Variants in PLXNA4 observed in about 807,000 individuals in gnomAD.
The protein encoded by PLXNA4 is plexin A4, also known as plexin-A4.
Under a neutral mutation model 191.8 loss-of-function variants are expected in PLXNA4, and 44 were observed. The ratio of observed to expected loss-of-function variants is 0.23; its 90% CI spans 0.18 to 0.29. The LOEUF (loss-of-function observed/expected upper bound fraction) is 0.29, where lower values mean the gene tolerates loss of function less well. Ranked by LOEUF, PLXNA4 falls within the 10% of genes least tolerant of loss-of-function variation. PLXNA4 has a pLI of 1.00. For synonymous variants in PLXNA4, 1,082 were observed against 1,009.5 expected (o/e 1.07, Z -1.36); for missense variants, 1,800 against 2,488.8 (o/e 0.72, Z 5.89).
chr7:132,179,717 C>G lies in PLXNA4; in HGVS notation c.3844G>C (p.Glu1282Gln), dbSNP rs987850603. The G allele has an allele frequency of 1.9e-6, 3 of 1,613,968 alleles. No homozygotes were observed. In the African/African-American group the frequency reaches 4.0e-5, roughly 22 times the overall value. Residue 1282 changes from glutamate to glutamine, a missense_variant, in exon 20 of 32, where the codon GAG becomes CAG. Physicochemically the swap from Glu to Gln is conservative, Grantham distance 29 (BLOSUM62 2). Around this residue, in one of 6 missense-constraint regions of PLXNA4, gnomAD observed 1,397 missense variants for 1,880.4 expected, o/e 0.74. Coordinates refer to ENST00000321063, the MANE Select transcript of PLXNA4 (RefSeq NM_020911.2). ...KRLQMQMDNLESRVALECKEA... is the reference protein window; with the variant it reads ...KRLQMQMDNLQSRVALECKEA... ...TTGCACTCCAGGGCCACACGGGACTCCAGGTTGTCCATCTGCATCTGCAGC... is the reference window on the plus strand; with the variant it reads ...TTGCACTCCAGGGCCACACGGGACTGCAGGTTGTCCATCTGCATCTGCAGC...
chr7:132,331,272 C>T (rs776858699), intron 3 of PLXNA4, among the ~76,000 whole-genome samples: 4 of 152,242 alleles, frequency 2.6e-5, no homozygotes, highest in Non-Finnish European at 5.9e-5. Flanking sequence ...CTGCCTTGGC[C>T]CCTGAACCTT....
intron 1 of PLXNA4, among the ~76,000 whole-genome samples, chr7:132,566,360 A>G (rs1801724203): frequency 6.6e-6 from 1 of 152,120 alleles, no homozygotes; most frequent in Admixed American, 6.5e-5. Flanking sequence ...GGCAGTGAAA[A>G]CGCTTTCCAT....
At chr7:132,222,086 C>T (rs1397863030) in intron 9 of PLXNA4, among the ~76,000 whole-genome samples, 1 of 152,196 alleles carries the variant, frequency 6.6e-6, no homozygotes, top group Non-Finnish European at 1.5e-5. Flanking sequence ...TTCTTGTTTG[C>T]TCCCCTTGTC....
intron 4 of PLXNA4, among the ~76,000 whole-genome samples, chr7:132,282,820 G>T (rs1800535759): frequency 6.6e-6 from 1 of 151,964 alleles, no homozygotes. Context: ...TAAATAAGTA[G>T]CCTCCCCTAG....
chr7:132,419,054 AG>A (rs1794758913), intron 3 of PLXNA4, among the ~76,000 whole-genome samples: 1 of 152,200 alleles, frequency 6.6e-6, no homozygotes, highest in African/African-American at 2.4e-5. Flanking sequence ...TGTCAATCAA[AG>A]GGTTGGGAAG....
At chr7:132,537,798 A>G (rs1799911483) in intron 1 of PLXNA4, among the ~76,000 whole-genome samples, 1 of 152,222 alleles carries the variant, frequency 6.6e-6, no homozygotes, top group South Asian at 2.1e-4. Context: ...TCTTAAAAAA[A>G]GAAAGTCTTT....
At chr7:132,582,525 G>C (rs1802421923) in intron 2 of PLXNA4, among the ~76,000 whole-genome samples, 1 of 152,170 alleles carries the variant, frequency 6.6e-6, no homozygotes, top group Admixed American at 6.5e-5. Context: ...AGACATTTTA[G>C]CTCCCAGCTT....
At chr7:132,461,711 C>T (rs893478713) in intron 3 of PLXNA4, among the ~76,000 whole-genome samples, 3 of 152,210 alleles carry the variant, frequency 2.0e-5, no homozygotes, top group Non-Finnish European at 1.5e-5. Context: ...CAAAATCCAA[C>T]GGGCCTCAGG....
chr7:132,272,413 A>G (rs1469175089), intron 4 of PLXNA4, among the ~76,000 whole-genome samples: 1 of 152,234 alleles, frequency 6.6e-6, no homozygotes, highest in Admixed American at 6.5e-5. Context: ...AAATTAAATA[A>G]GCCCCTGGCA....
intron 4 of PLXNA4, among the ~76,000 whole-genome samples, chr7:132,279,597 T>A (rs1404446565): frequency 1.3e-5 from 2 of 152,002 alleles, no homozygotes; most frequent in Non-Finnish European, 2.9e-5. Context: ...GATCATACCA[T>A]CGCACTCAGT....
intron 4 of PLXNA4, among the ~76,000 whole-genome samples, chr7:132,261,892 A>C (rs1414410441): frequency 6.6e-6 from 1 of 152,184 alleles, no homozygotes; most frequent in African/African-American, 2.4e-5. Context: ...ACCTACACAC[A>C]CAGTCCCAGG....
At position 132,181,752 on chromosome 7, in the gene PLXNA4, G is replaced by A. The variant is rs1459155807; in HGVS notation, c.3253-132C>T. The A allele has an allele frequency of 4.1e-6, 6 of 1,449,866 alleles. No homozygotes were observed. The African/African-American group carries it at 7.1e-5, about 17-fold the overall frequency. The allele number at this position is 1,449,866 out of a possible 1,614,324, so 89.8% of individuals were successfully genotyped here. A position where few individuals can be genotyped will look rare whatever the true frequency, so the allele number is the denominator to read the frequency against. On this transcript the variant is annotated intron_variant, in intron 17 of 31. Coordinates refer to ENST00000321063, the MANE Select transcript of PLXNA4 (RefSeq NM_020911.2). ...ACAAGAGGATTAGAGATGAGTCAGGGCCACACAATTGGGCACTCAAGGAAT... is the reference window on the plus strand; with the variant it reads ...ACAAGAGGATTAGAGATGAGTCAGGACCACACAATTGGGCACTCAAGGAAT...
intron 1 of PLXNA4, among the ~76,000 whole-genome samples, chr7:132,511,870 A>G (rs1798726727): frequency 6.6e-6 from 1 of 152,184 alleles, no homozygotes; most frequent in African/African-American, 2.4e-5. Context: ...CCAATCCCTG[A>G]TTTTAGAGAC....
chr7:132,597,517 T>C (rs952820414), intron 2 of PLXNA4, among the ~76,000 whole-genome samples: 2 of 152,192 alleles, frequency 1.3e-5, no homozygotes, highest in Non-Finnish European at 2.9e-5. Context: ...GGCCAGAGAA[T>C]TGAGTCAACC....
At chr7:132,646,995 A>G (rs1395744168) in intron 1 of PLXNA4, among the ~76,000 whole-genome samples, 3 of 152,010 alleles carry the variant, frequency 2.0e-5, no homozygotes, top group African/African-American at 7.3e-5. Flanking sequence ...TATCATATAC[A>G]CACATACACT....
chr7:132,177,439 C>G (rs950246843), intron 20 of PLXNA4, among the ~76,000 whole-genome samples: 3 of 152,232 alleles, frequency 2.0e-5, no homozygotes, highest in Non-Finnish European at 2.9e-5. Flanking sequence ...TGGCTCTGGG[C>G]AAGCTGCAAA....
At chr7:132,352,538 T>G (rs1677301475) in intron 3 of PLXNA4, among the ~76,000 whole-genome samples, 1 of 152,012 alleles carries the variant, frequency 6.6e-6, no homozygotes, top group African/African-American at 2.4e-5. Context: ...CCTTTGAATC[T>G]CCTCCCATCC....
At chr7:132,239,739 T>C (rs1798816581) in intron 5 of PLXNA4, among the ~76,000 whole-genome samples, 1 of 152,238 alleles carries the variant, frequency 6.6e-6, no homozygotes, top group South Asian at 2.1e-4. Context: ...CCCTGCTCTG[T>C]TAGCATGCAA....
intron 3 of PLXNA4, among the ~76,000 whole-genome samples, chr7:132,487,879 G>A (rs1024698637): frequency 6.6e-6 from 1 of 152,200 alleles, no homozygotes; most frequent in Non-Finnish European, 1.5e-5. Context: ...AGATTCCATT[G>A]CGCTTACCAT....
Sources: allele counts gnomAD v4.1 joint callset (sites outside exome capture counted in the v4.1 genomes callset), GRCh38; gene constraint gnomAD v4.1.1; regional missense constraint gnomAD v4.1.1; transcripts MANE v1.5; gene names NCBI Gene and HGNC (gene_info 2026-07-23, HGNC 2026-07-21).